The following MYO10 variants were observed in gnomAD, a reference collection of about 807,000 sequenced individuals.
MYO10 encodes the protein unconventional myosin-X.
Under a neutral mutation model 257.3 loss-of-function variants are expected in MYO10, and 133 were observed. The observed-to-expected ratio is 0.52, with a 90% confidence interval of 0.45 to 0.60. The LOEUF (loss-of-function observed/expected upper bound fraction) is 0.60. Among genes scored for constraint, MYO10 ranks in the 20% least tolerant of loss-of-function variants. MYO10 has a pLI of 0.00. For synonymous variants in MYO10, 1,104 were observed against 1,028.6 expected, an observed-to-expected ratio of 1.07 and a Z score of -1.40; for missense variants, 2,399 against 2,635.7, an observed-to-expected ratio of 0.91 and a Z score of 1.97.
intron 26 of MYO10, among the ~76,000 whole-genome samples, chr5:16,697,263 CA>C (rs1471253274): frequency 1.3e-5 from 2 of 148,578 alleles, no homozygotes; most frequent in African/African-American, 5.0e-5. Context: ...GCAGGTGAAG[CA>C]AAAAAGGAAT....
At chr5:16,865,999 ATATT>A (rs1365431431) in intron 2 of MYO10, among the ~76,000 whole-genome samples, 7 of 140,692 alleles carry the variant, frequency 5.0e-5, no homozygotes, top group South Asian at 2.2e-4. Context: ...GTTTTATGTC[ATATT>A]TATTTACCCA....
At chr5:16,734,515 C>T (rs955214581) in intron 19 of MYO10, among the ~76,000 whole-genome samples, 7 of 152,084 alleles carry the variant, frequency 4.6e-5, no homozygotes, top group African/African-American at 7.2e-5. Context: ...CCAAGACTCC[C>T]GATGTCAGGC....
intron 19 of MYO10, among the ~76,000 whole-genome samples, chr5:16,721,197 A>C (rs40979): frequency 0.84 from 127,144 of 152,130 alleles, 53,384 homozygotes; most frequent in East Asian, 0.86. Context: ...AAAGCCTCAC[A>C]ACAGGACTCC....
Position 16,701,777 on chromosome 5 carries a change from T to C in MYO10, c.2618A>G (p.Glu873Gly), listed in dbSNP as rs769982127. ...CTGTTTCTCCAGTTCACGGGTCAGT[T>C]CAGCTTCCTTCTGGCTCTTCTGCAA... ...EALQKSQKEA[E>G]LTRELEKQKE... Residue 873 changes from glutamate to glycine, a missense_variant, in exon 25 of 41, where the codon GAA becomes GGA. By Grantham distance (98) the Glu-to-Gly change is moderately conservative (BLOSUM62 -2). This residue lies in a region of MYO10 where 1,820 missense variants were observed against 1,939.4 expected (regional missense o/e 0.94). Coordinates refer to ENST00000513610, the MANE Select transcript of MYO10 (RefSeq NM_012334.3). This position sits in a 1 kb window ranked among gnomAD's most constrained non-coding sequence, Gnocchi z 8.1. The C allele has an allele frequency of 8.7e-6, 14 of 1,613,724 alleles. No homozygotes were observed. In the South Asian group the frequency reaches 1.3e-4, roughly 15 times the overall value.
At chr5:16,894,653 C>T (rs756039821) in intron 1 of MYO10, among the ~76,000 whole-genome samples, 1 of 152,176 alleles carries the variant, frequency 6.6e-6, no homozygotes, top group Non-Finnish European at 1.5e-5. Flanking sequence ...AGAGATCCAG[C>T]GCAAAGATTA....
In MYO10 at chr5:16,764,265, T is replaced by C; in HGVS notation, c.1311A>G (p.Gly437=). 2 of 1,613,948 alleles carry C rather than the reference T, an allele frequency of 1.2e-6. No individual in the cohort carries two copies. The highest frequency in any genetic ancestry group is 8.5e-7 in the Non-Finnish European group (1 of 1,179,894). ...FKSIGILDIF[G]FENFEVNHFE... Reference sequence around the variant, plus strand: ...GGAAACCTACCTCAAAGTTTTCAAATCCAAAGATGTCGAGGATGCCAATAG... The same window carrying C: ...GGAAACCTACCTCAAAGTTTTCAAACCCAAAGATGTCGAGGATGCCAATAG... Residue 437 remains glycine (G), a synonymous_variant, in exon 12 of 41, where the codon GGA becomes GGG. Coordinates refer to ENST00000513610, the MANE Select transcript of MYO10 (RefSeq NM_012334.3).
intron 2 of MYO10, among the ~76,000 whole-genome samples, chr5:16,863,404 C>T (rs1744158397): frequency 1.3e-5 from 2 of 152,042 alleles, no homozygotes; most frequent in Admixed American, 1.3e-4. Context: ...GGGGCCAGGC[C>T]CCAGAGACCT....
At chr5:16,843,959 T>C (rs1743557689) in intron 2 of MYO10, among the ~76,000 whole-genome samples, 1 of 152,224 alleles carries the variant, frequency 6.6e-6, no homozygotes, top group African/African-American at 2.4e-5. Context: ...TTAACTCATA[T>C]TATTTTATTA....
intron 4 of MYO10, among the ~76,000 whole-genome samples, chr5:16,786,558 A>T (rs768047214): frequency 3.9e-5 from 6 of 152,124 alleles, no homozygotes; most frequent in Non-Finnish European, 7.4e-5. Context: ...ACTTTTTTTT[A>T]GTGCCAACAT....
intron 1 of MYO10, among the ~76,000 whole-genome samples, chr5:16,915,509 G>T (rs1021812430): frequency 3.3e-5 from 5 of 152,186 alleles, no homozygotes; most frequent in Non-Finnish European, 7.3e-5. Flanking sequence ...ACAGCATCAT[G>T]GTCTCAGTAA....
chr5:16,836,581 G>A (rs765185677), intron 2 of MYO10, among the ~76,000 whole-genome samples: 16 of 152,170 alleles, frequency 1.1e-4, no homozygotes, highest in East Asian at 1.9e-4. Flanking sequence ...CCCACCTTGC[G>A]GATATCTGAA....
In MYO10 at chr5:16,794,823, C is replaced by A; in HGVS notation, c.290G>T (p.Gly97Val). 1 of 1,540,648 alleles carries A rather than the reference C, an allele frequency of 6.5e-7. No homozygotes were observed. The highest frequency in any genetic ancestry group is 8.8e-7 in the Non-Finnish European group (1 of 1,140,726). ...YKRNQIYTYI[G>V]SILASVNPYQ... Reference sequence around the variant, plus strand: ...GGGGTTCACGGAGGCCAGGATGGAGCCGATGTAGGTCTGCAAGCACAGAGT... The same window carrying A: ...GGGGTTCACGGAGGCCAGGATGGAGACGATGTAGGTCTGCAAGCACAGAGT... Residue 97 changes from glycine (G) to valine (V), a missense_variant, in exon 4 of 41, where the codon GGC becomes GTC. Around this residue, in one of 3 missense-constraint regions of MYO10, gnomAD observed 242 missense variants for 249.5 expected, o/e 0.97. Transcript: ENST00000513610.
At chr5:16,784,956 CAT>C (rs148981216) in intron 4 of MYO10, among the ~76,000 whole-genome samples, 197 of 152,208 alleles carry the variant, frequency 1.3e-3, no homozygotes, top group Middle Eastern at 0.01. Context: ...TCCACAAAGA[CAT>C]AATGTCGTAA....
intron 1 of MYO10, 131 bp from the exon 2 acceptor site, chr5:16,877,838 G>A: frequency 1.4e-6 from 1 of 701,376 alleles, no homozygotes; most frequent in Admixed American, 2.5e-5. Flanking sequence ...TCTTTCTCAA[G>A]CAAAGAACAA....
chr5:16,692,370 A>C (rs1024362995), intron 27 of MYO10, among the ~76,000 whole-genome samples: 1 of 152,214 alleles, frequency 6.6e-6, no homozygotes, highest in African/African-American at 2.4e-5. Context: ...CAGTGAGCCA[A>C]GGTTGTGCCA....
At chr5:16,927,424 A>G (rs1746165562) in intron 1 of MYO10, among the ~76,000 whole-genome samples, 1 of 152,094 alleles carries the variant, frequency 6.6e-6, no homozygotes, top group Non-Finnish European at 1.5e-5. Context: ...TCCCAGGTTC[A>G]TGCCATTCTC....
intron 32 of MYO10, among the ~76,000 whole-genome samples, chr5:16,680,431 G>A (rs1736938998): frequency 6.6e-6 from 1 of 152,158 alleles, no homozygotes; most frequent in Non-Finnish European, 1.5e-5. Flanking sequence ...TGGAACAGGA[G>A]TGAAAACTCT....
At position 16,681,495 on chromosome 5, in the gene MYO10, G is replaced by A. The variant is rs746064937; in HGVS notation, c.4198C>T (p.His1400Tyr). The A allele has an allele frequency of 1.9e-6, 3 of 1,598,836 alleles. No individual in the cohort carries two copies. ...GQEFIVRGWLHKEVKNSPKMS... is the reference protein window; with the variant it reads ...GQEFIVRGWLYKEVKNSPKMS... Reference sequence around the variant, plus strand: ...TTTGGACTGTTCTTCACCTCTTTGTGCAACCATCCTGGAAAAAAAGATTAA... The same window carrying A: ...TTTGGACTGTTCTTCACCTCTTTGTACAACCATCCTGGAAAAAAAGATTAA... Residue 1400 changes from histidine to tyrosine, a missense_variant, in exon 32 of 41, where the codon CAC becomes TAC. Transcript: ENST00000513610.
chr5:16,779,550 C>T lies in MYO10; in HGVS notation c.925G>A (p.Val309Ile), dbSNP rs34846075. 290 of 1,551,818 alleles carry T rather than the reference C, an allele frequency of 1.9e-4. 1 individual carries two copies. The African/African-American group carries it at 3.7e-3, about 20-fold the overall frequency. The change falls in exon 9 of 41, where the codon GTT becomes ATT. Residue 309 changes from valine (V) to isoleucine (I), a missense_variant. Around this residue, in one of 3 missense-constraint regions of MYO10, gnomAD observed 337 missense variants for 446.8 expected, o/e 0.75. Transcript: ENST00000513610. The stretch of plus-strand genomic sequence containing the variant: ...AACATTTAAAAGTAACTTACAATAA[C>T]TTCCCTAAAGGATTCCTGGTCACTG... ...TISDQESFRE[V>I]ITAMDVMQFS... is the part of the protein sequence containing the mutation.
Sources: gnomAD v4.1 joint callset for allele counts (sites outside exome capture counted in the v4.1 genomes callset) on GRCh38, gnomAD v4.1.1 for gene constraint, gnomAD v4.1.1 regional missense constraint, Gnocchi (gnomAD v3.1) non-coding constraint, MANE v1.5 for transcripts, NCBI Gene and HGNC (gene_info 2026-07-23, HGNC 2026-07-21) for gene names.